The following SOX5 variants were observed in gnomAD, a reference collection of about 807,000 sequenced individuals.
SOX5 encodes the protein transcription factor SOX-5.
In SOX5, 9 loss-of-function variants were observed where a neutral mutation model predicts 92.0. The observed-to-expected ratio is 0.10, with a 90% CI of 0.06 to 0.17. The LOEUF is 0.17. SOX5 is among the 10% of genes least tolerant of loss of function. SOX5 has a pLI of 1.00. For synonymous variants in SOX5, 344 were observed against 336.3 expected (o/e 1.02, Z -0.25); for missense variants, 642 against 944.5 (o/e 0.68, Z 4.20).
intron 2 of SOX5, among the ~76,000 whole-genome samples, chr12:24,286,789 C>T (rs1945917366): frequency 6.6e-6 from 1 of 152,122 alleles, no homozygotes; most frequent in African/African-American, 2.4e-5. Flanking sequence ...TAAAGGAAGC[C>T]AAATGACTTA....
At chr12:24,335,993 A>G (rs538626312) in intron 2 of SOX5, among the ~76,000 whole-genome samples, 1 of 138,398 alleles carries the variant, frequency 7.2e-6, no homozygotes, top group Admixed American at 7.2e-5. Context: ...ATATATCCAT[A>G]ATATTAAATT....
intron 4 of SOX5, among the ~76,000 whole-genome samples, chr12:23,990,085 G>A (rs1437113589): frequency 6.6e-5 from 10 of 151,830 alleles, no homozygotes; most frequent in Admixed American, 6.6e-4. Flanking sequence ...GAAAGAGGGA[G>A]GGAGTGAAGA....
chr12:23,638,069 A>G (rs960392204), intron 8 of SOX5: 3 of 152,112 alleles, frequency 2.0e-5, no homozygotes, highest in Admixed American at 2.0e-4. Flanking sequence ...TGACACCCCA[A>G]ATAAAAAAAA....
At chr12:24,161,482 CA>C (rs1454578023) in intron 4 of SOX5, among the ~76,000 whole-genome samples, 1 of 151,938 alleles carries the variant, frequency 6.6e-6, no homozygotes, top group African/African-American at 2.4e-5. Context: ...TTGAGAAGGT[CA>C]GAGCCAAGGC....
chr12:23,962,638 T>G (rs1445107308), intron 4 of SOX5, among the ~76,000 whole-genome samples: 1 of 152,238 alleles, frequency 6.6e-6, no homozygotes, highest in East Asian at 1.9e-4. Flanking sequence ...CAAATACAAC[T>G]GCCATTCCAT....
chr12:24,282,662 T>G (rs1319826391), intron 2 of SOX5, among the ~76,000 whole-genome samples: 1 of 152,176 alleles, frequency 6.6e-6, no homozygotes, highest in Non-Finnish European at 1.5e-5. Flanking sequence ...TTCTAAGTGC[T>G]TTACACTTAG....
chr12:24,374,495 A>G (rs936130080), intron 1 of SOX5, among the ~76,000 whole-genome samples: 5 of 148,272 alleles, frequency 3.4e-5, no homozygotes, highest in Non-Finnish European at 5.9e-5. Context: ...CCCTCTCCAG[A>G]CCACCACACA....
At chr12:23,916,181 C>T (rs1433827198) in intron 1 of SOX5, among the ~76,000 whole-genome samples, 3 of 152,178 alleles carry the variant, frequency 2.0e-5, no homozygotes, top group African/African-American at 7.2e-5. Flanking sequence ...TTCTTACACA[C>T]TATCATCAAT....
intron 4 of SOX5, among the ~76,000 whole-genome samples, chr12:24,159,186 ATC>A (rs1952504743): frequency 8.7e-6 from 1 of 114,548 alleles, no homozygotes; most frequent in Admixed American, 8.3e-5. Flanking sequence ...TCATCTATCC[ATC>A]CATCCATCCA....
intron 3 of SOX5, among the ~76,000 whole-genome samples, chr12:24,261,009 T>C (rs1424286431): frequency 1.3e-5 from 2 of 152,170 alleles, no homozygotes; most frequent in Non-Finnish European, 2.9e-5. Context: ...ATGATAATAA[T>C]AGTAATTCTT....
intron 1 of SOX5, among the ~76,000 whole-genome samples, chr12:24,465,618 C>A (rs775985406): frequency 2.2e-4 from 34 of 152,144 alleles, no homozygotes; most frequent in Non-Finnish European, 1.0e-4. Flanking sequence ...ATACAGGCAG[C>A]CTGCAAATTT....
intron 8 of SOX5, among the ~76,000 whole-genome samples, chr12:23,636,355 C>A (rs914471244): frequency 1.3e-5 from 2 of 152,078 alleles, no homozygotes; most frequent in Non-Finnish European, 2.9e-5. Context: ...ATATAAGGAT[C>A]TCCAGGGACA....
At chr12:24,507,313 T>C (rs1275013866) in intron 1 of SOX5, among the ~76,000 whole-genome samples, 2 of 151,768 alleles carry the variant, frequency 1.3e-5, no homozygotes, top group East Asian at 1.9e-4. Flanking sequence ...GGTAGGTAGA[T>C]GGATGGATAG....
intron 4 of SOX5, among the ~76,000 whole-genome samples, chr12:24,082,789 C>G (rs989120217): frequency 6.6e-6 from 1 of 151,456 alleles, no homozygotes; most frequent in African/African-American, 2.4e-5. Context: ...TCATAGTTAT[C>G]TTTGCTGTTG....
At chr12:24,371,258 A>G (rs1956706790) in intron 1 of SOX5, among the ~76,000 whole-genome samples, 1 of 152,238 alleles carries the variant, frequency 6.6e-6, no homozygotes, top group Non-Finnish European at 1.5e-5. Flanking sequence ...GCTAACAGCC[A>G]GCAAGGAAGC....
At chr12:23,783,394 G>A (rs2095319776) in intron 3 of SOX5, among the ~76,000 whole-genome samples, 1 of 152,140 alleles carries the variant, frequency 6.6e-6, no homozygotes, top group African/African-American at 2.4e-5. Context: ...TCTGGGGGAA[G>A]AACAGATAAT....
At chr12:23,986,553 A>G (rs1950081606) in intron 4 of SOX5, among the ~76,000 whole-genome samples, 1 of 152,170 alleles carries the variant, frequency 6.6e-6, no homozygotes, top group South Asian at 2.1e-4. Context: ...TCTTTCTTTC[A>G]TCAGTTGGGT....
In SOX5 at chr12:24,382,844, G is replaced by A. The variant is rs534787843; in HGVS notation, c.-250-14205C>T. Among the ~76,000 whole-genome samples, 5 of 152,204 alleles carry A rather than the reference G, an allele frequency of 3.3e-5. No homozygotes were observed. The South Asian group carries it at 1.0e-3, about 32-fold the overall frequency. Reference sequence around the variant, plus strand: ...ATGAGGTTTTGGTTCTGAGCAATGGGAAGAATAGATTTACCCTTAACTAAA... The same window carrying A: ...ATGAGGTTTTGGTTCTGAGCAATGGAAAGAATAGATTTACCCTTAACTAAA... On this transcript the variant is annotated intron_variant, in intron 1 of 4. Coordinates refer to the SOX5 transcript ENST00000446891.
intron 2 of SOX5, among the ~76,000 whole-genome samples, chr12:24,291,119 T>C (rs913928468): frequency 1.3e-5 from 2 of 152,206 alleles, no homozygotes; most frequent in African/African-American, 4.8e-5. Flanking sequence ...TTTTAAAATA[T>C]GACATGATTA....
Sources: allele counts gnomAD v4.1 joint callset (sites outside exome capture counted in the v4.1 genomes callset), GRCh38; gene constraint gnomAD v4.1.1; transcripts MANE v1.5; gene names NCBI Gene and HGNC (gene_info 2026-07-23, HGNC 2026-07-21).